ROR1: variants seen among roughly 807,000 people sequenced by gnomAD.
The protein encoded by ROR1 is inactive tyrosine-protein kinase transmembrane receptor ROR1.
In ROR1, 19 loss-of-function variants were observed where a neutral mutation model predicts 78.8. That is an observed-to-expected ratio of 0.24 (90% confidence interval 0.17 to 0.35). ROR1 has a LOEUF of 0.35. ROR1 is among the 10% of genes least tolerant of loss of function. The pLI, the probability that ROR1 is intolerant of heterozygous loss-of-function variation, is 1.00. For synonymous variants in ROR1, 386 were observed against 433.6 expected (o/e 0.89, Z 1.36); for missense variants, 917 against 1,177.8 (o/e 0.78, Z 3.24).
At chr1:63,901,442 A>G (rs1156897248) in intron 1 of ROR1, among the ~76,000 whole-genome samples, 1 of 152,188 alleles carries the variant, frequency 6.6e-6, no homozygotes, top group African/African-American at 2.4e-5. Flanking sequence ...ATAGCAGTGT[A>G]ATAGCACTGT....
intron 2 of ROR1, among the ~76,000 whole-genome samples, chr1:64,031,429 G>A (rs1646658878): frequency 6.6e-6 from 1 of 152,206 alleles, no homozygotes; most frequent in Admixed American, 6.5e-5. Flanking sequence ...CAGCTTCTGG[G>A]GCAGGCAGCC....
intron 1 of ROR1, among the ~76,000 whole-genome samples, chr1:63,923,845 C>T (rs544085640): frequency 6.6e-6 from 1 of 151,872 alleles, no homozygotes; most frequent in African/African-American, 2.4e-5. Context: ...GGATGCCCCT[C>T]GATACCCAGC....
At chr1:63,862,565 A>C (rs2100347157) in intron 1 of ROR1, among the ~76,000 whole-genome samples, 1 of 152,252 alleles carries the variant, frequency 6.6e-6, no homozygotes, top group East Asian at 1.9e-4. Flanking sequence ...CTTTGAAAGC[A>C]GAATTTTGAG....
chr1:63,968,643 G>GC (rs1569990831), intron 1 of ROR1, among the ~76,000 whole-genome samples: 1 of 152,138 alleles, frequency 6.6e-6, no homozygotes, highest in East Asian at 1.9e-4. Flanking sequence ...AAACTATTCT[G>GC]CCCCCGAGTT....
At chr1:64,094,052 A>C (rs968417122) in intron 4 of ROR1, among the ~76,000 whole-genome samples, 2 of 152,194 alleles carry the variant, frequency 1.3e-5, no homozygotes, top group African/African-American at 2.4e-5. Context: ...ACTATACCAC[A>C]GGATTAAACA....
At chr1:63,877,601 A>C (rs1279004163) in intron 1 of ROR1, among the ~76,000 whole-genome samples, 1 of 152,168 alleles carries the variant, frequency 6.6e-6, no homozygotes, top group Non-Finnish European at 1.5e-5. Flanking sequence ...CAGGGAGGAC[A>C]ATAGAAATGT....
chr1:64,127,899 G>A (rs542117604), intron 4 of ROR1, among the ~76,000 whole-genome samples: 1 of 152,188 alleles, frequency 6.6e-6, no homozygotes, highest in African/African-American at 2.4e-5. Flanking sequence ...GATGGCTTGT[G>A]AAGAACATCA....
intron 4 of ROR1, among the ~76,000 whole-genome samples, chr1:64,119,136 C>G (rs74078087): frequency 0.019 from 2,901 of 152,178 alleles, 91 homozygotes; most frequent in African/African-American, 0.066. Context: ...TAATCCTGAC[C>G]CCTTGGCCTC....
At chr1:64,008,728 A>G (rs112456839) in intron 1 of ROR1, among the ~76,000 whole-genome samples, 4,533 of 152,130 alleles carry the variant, frequency 0.03, 254 homozygotes, top group African/African-American at 0.1. Flanking sequence ...TCCGCCTCCC[A>G]GGTTCAAGCG....
chr1:64,134,586 G>T (rs988387084), intron 4 of ROR1, among the ~76,000 whole-genome samples: 2 of 151,928 alleles, frequency 1.3e-5, no homozygotes, highest in African/African-American at 2.4e-5. Flanking sequence ...TACATGTTTG[G>T]TTTTTTTCAG....
chr1:64,016,747 A>ATATATATG (rs1557610643), intron 2 of ROR1, among the ~76,000 whole-genome samples: 1 of 149,188 alleles, frequency 6.7e-6, no homozygotes, highest in African/African-American at 2.4e-5. Flanking sequence ...ATATATATAT[A>ATATATATG]TAAAGATTTT....
intron 1 of ROR1, among the ~76,000 whole-genome samples, chr1:64,000,198 A>T (rs1646371365): frequency 6.6e-6 from 1 of 152,156 alleles, no homozygotes; most frequent in African/African-American, 2.4e-5. Flanking sequence ...AAGGGCAGTC[A>T]AGTGGAAATA....
At chr1:63,783,373 G>A (rs1202310779) in intron 1 of ROR1, among the ~76,000 whole-genome samples, 1 of 152,088 alleles carries the variant, frequency 6.6e-6, no homozygotes, top group Non-Finnish European at 1.5e-5. Flanking sequence ...CTCTTATAGT[G>A]CAGGCTACTT....
rs1162861035 is a variant in ROR1, at chr1:64,049,934, G to A, written c.407G>A (p.Gly136Asp). The A allele has an allele frequency of 6.2e-7, 1 of 1,614,056 alleles. No homozygotes were observed. ...TGYFQCVATN[G>D]KEVVSSTGVL... ...TACTTCCAGTGCGTGGCAACAAACG[G>A]CAAGGAGGTGGTTTCTTCCACTGGA... The change falls in exon 3 of 9, where the codon GGC becomes GAC. Residue 136 changes from glycine (G) to aspartate (D), a missense_variant. Around this residue, in one of 3 missense-constraint regions of ROR1, gnomAD observed 835 missense variants for 1,069.8 expected, o/e 0.78. Transcript: ENST00000371079.
chr1:64,050,111 G>A, intron 3 of ROR1, 133 bp downstream of exon 3: 2 of 1,001,110 alleles, frequency 2.0e-6, no homozygotes, highest in Admixed American at 5.3e-5. Context: ...CCCTAAACCT[G>A]GTATGGTTGT....
At chr1:63,799,987 A>C (rs905330094) in intron 1 of ROR1, among the ~76,000 whole-genome samples, 1 of 152,236 alleles carries the variant, frequency 6.6e-6, no homozygotes, top group African/African-American at 2.4e-5. Flanking sequence ...AATCAGTATA[A>C]AATGCTTAAT....
intron 1 of ROR1, among the ~76,000 whole-genome samples, chr1:63,920,986 A>C (rs985357130): frequency 6.6e-6 from 1 of 152,230 alleles, no homozygotes; most frequent in Non-Finnish European, 1.5e-5. Context: ...TTAACTCTCC[A>C]GAAGAGGGAG....
chr1:63,781,027 C>T (rs564305950), intron 1 of ROR1, among the ~76,000 whole-genome samples: 1 of 152,136 alleles, frequency 6.6e-6, no homozygotes, highest in African/African-American at 2.4e-5. Flanking sequence ...TCATGTTACC[C>T]AAAGAGAGAA....
chr1:64,046,282 G>A (rs1489225210), intron 2 of ROR1, among the ~76,000 whole-genome samples: 1 of 151,940 alleles, frequency 6.6e-6, no homozygotes, highest in East Asian at 1.9e-4. Context: ...TTGCTGGGAT[G>A]CCCAGGTGTT....
Sources: gnomAD v4.1 joint callset for allele counts (sites outside exome capture counted in the v4.1 genomes callset) on GRCh38, gnomAD v4.1.1 for gene constraint, gnomAD v4.1.1 regional missense constraint, MANE v1.5 for transcripts, NCBI Gene and HGNC (gene_info 2026-07-23, HGNC 2026-07-21) for gene names.